NAA11: variants seen among roughly 807,000 people sequenced by gnomAD.
The protein encoded by NAA11 is N-alpha-acetyltransferase 11, NatA catalytic subunit.
Under a neutral mutation model 16.1 loss-of-function variants are expected in NAA11, and 15 were observed. The observed-to-expected ratio is 0.93, with a 90% CI of 0.62 to 1.44. The LOEUF is 1.44. Among genes scored for constraint, NAA11 ranks in the 40% most tolerant of loss-of-function variants. NAA11 has a pLI of 0.00. For synonymous variants in NAA11, 122 were observed against 112.4 expected (o/e 1.09, Z -0.54); for missense variants, 298 against 291.3 (o/e 1.02, Z -0.17).
intron 2 of NAA11, among the ~76,000 whole-genome samples, chr4:79,232,135 TG>T: frequency 6.6e-6 from 1 of 152,004 alleles, no homozygotes; most frequent in African/African-American, 2.4e-5. Context: ...TAATCCACAC[TG>T]GGCACAGTAT....
chr4:79,243,030 G>A (rs993285610), intron 2 of NAA11, among the ~76,000 whole-genome samples: 1 of 152,320 alleles, frequency 6.6e-6, no homozygotes, highest in South Asian at 2.1e-4. Context: ...AACCCTGGAG[G>A]TTAAATGCTT....
the NAA11 span, among the ~76,000 whole-genome samples, chr4:79,168,643 A>T: frequency 2.0e-5 from 3 of 152,108 alleles, no homozygotes; most frequent in Non-Finnish European, 4.4e-5. Flanking sequence ...TCTTTTTCAC[A>T]TGTTTATTTA....
chr4:79,157,148 C>T, the NAA11 span, among the ~76,000 whole-genome samples: 13 of 151,944 alleles, frequency 8.6e-5, no homozygotes, highest in African/African-American at 2.7e-4. Context: ...GTTGGCATTT[C>T]GTTATATGAG....
chr4:79,267,689 A>C (rs1338527270), intron 2 of NAA11, among the ~76,000 whole-genome samples: 1 of 152,106 alleles, frequency 6.6e-6, no homozygotes, highest in Non-Finnish European at 1.5e-5. Context: ...ACAGAATTTC[A>C]GTTCCCATAG....
the NAA11 span, among the ~76,000 whole-genome samples, chr4:79,207,811 T>A: frequency 6.6e-6 from 1 of 152,110 alleles, no homozygotes; most frequent in South Asian, 2.1e-4. Context: ...TATTGTTTTA[T>A]AAAGAAAAAG....
the NAA11 span, among the ~76,000 whole-genome samples, chr4:79,181,070 G>C: frequency 6.6e-6 from 1 of 151,990 alleles, no homozygotes; most frequent in Non-Finnish European, 1.5e-5. Flanking sequence ...TCACACACCG[G>C]GGCGTGTTGT....
intron 1 of NAA11, chr4:79,305,113 G>A (rs1229755693): frequency 6.6e-6 from 1 of 152,100 alleles, no homozygotes; most frequent in African/African-American, 2.4e-5. Flanking sequence ...ATGTTCTTTG[G>A]TTCTTCATGT....
intron 1 of NAA11, among the ~76,000 whole-genome samples, chr4:79,320,769 A>C (rs1455318947): frequency 1.3e-5 from 2 of 152,188 alleles, no homozygotes; most frequent in Non-Finnish European, 2.9e-5. Flanking sequence ...CCAAAAGTAC[A>C]GATAGGGAAA....
chr4:79,319,990 C>T (rs2110016375), intron 1 of NAA11, among the ~76,000 whole-genome samples: 2 of 152,334 alleles, frequency 1.3e-5, no homozygotes, highest in South Asian at 4.1e-4. Context: ...GGGAGAGTCA[C>T]TGAAGTAACC....
chr4:79,248,268 C>T (rs1180132954), intron 2 of NAA11, among the ~76,000 whole-genome samples: 5 of 152,082 alleles, frequency 3.3e-5, no homozygotes, highest in Admixed American at 2.0e-4. Context: ...ATTCACCAGC[C>T]CGCCTGCACC....
the NAA11 span, among the ~76,000 whole-genome samples, chr4:79,162,838 C>T: frequency 6.6e-6 from 1 of 152,034 alleles, no homozygotes; most frequent in Non-Finnish European, 1.5e-5. Context: ...TAAGCTTTTC[C>T]TAAAGAGGCA....
downstream of NAA11, among the ~76,000 whole-genome samples, chr4:79,221,316 G>T (rs1482119192): frequency 6.6e-5 from 10 of 150,616 alleles, no homozygotes; most frequent in South Asian, 6.5e-4. Flanking sequence ...CATGTCATCT[G>T]CAAACAGGGA....
downstream of NAA11, among the ~76,000 whole-genome samples, chr4:79,224,858 C>T (rs1721275863): frequency 6.6e-6 from 1 of 151,950 alleles, no homozygotes; most frequent in Non-Finnish European, 1.5e-5. Flanking sequence ...AATTCACAGC[C>T]CTGGACTAAT....
At chr4:79,193,996 T>A in the NAA11 span, among the ~76,000 whole-genome samples, 2 of 152,228 alleles carry the variant, frequency 1.3e-5, no homozygotes, top group African/African-American at 4.8e-5. Context: ...CAACTGTGAA[T>A]GGGCCTTCAC....
At chr4:79,176,365 T>G in the NAA11 span, among the ~76,000 whole-genome samples, 1 of 152,104 alleles carries the variant, frequency 6.6e-6, no homozygotes, top group African/African-American at 2.4e-5. Flanking sequence ...TATATGTATA[T>G]AGAGAGATTT....
At chr4:79,241,912 C>T (rs1436470801) in intron 2 of NAA11, among the ~76,000 whole-genome samples, 1 of 152,198 alleles carries the variant, frequency 6.6e-6, no homozygotes, top group East Asian at 1.9e-4. Flanking sequence ...ACATGCTTTT[C>T]AATAATGGAG....
At chr4:79,188,098 C>T in the NAA11 span, among the ~76,000 whole-genome samples, 3 of 150,172 alleles carry the variant, frequency 2.0e-5, no homozygotes, top group African/African-American at 4.9e-5. Flanking sequence ...TTTATGTTTT[C>T]GATTGTAACA....
chr4:79,171,946 G>A, the NAA11 span, among the ~76,000 whole-genome samples: 1 of 152,090 alleles, frequency 6.6e-6, no homozygotes. Flanking sequence ...TAGTAAGTAT[G>A]CATTAATTAT....
chr4:79,255,123 A>T (rs1201108831), intron 2 of NAA11, among the ~76,000 whole-genome samples: 3 of 152,130 alleles, frequency 2.0e-5, no homozygotes, highest in African/African-American at 4.8e-5. Flanking sequence ...GGGAAAACTG[A>T]TCTATAGTTT....
Sources: allele counts gnomAD v4.1 joint callset (sites outside exome capture counted in the v4.1 genomes callset), GRCh38; gene constraint gnomAD v4.1.1; transcripts MANE v1.5; gene names NCBI Gene and HGNC (gene_info 2026-07-23, HGNC 2026-07-21).